Variants in DPYD observed in about 807,000 individuals in gnomAD.
DPYD encodes the protein dihydropyrimidine dehydrogenase [NADP(+)].
DPYD carries 109 observed loss-of-function variants against 116.2 expected under a neutral mutation model. The ratio of observed to expected loss-of-function variants is 0.94; its 90% CI spans 0.80 to 1.10. The LOEUF (loss-of-function observed/expected upper bound fraction) is 1.10. Among genes scored for constraint, DPYD ranks in the 50% least tolerant of loss-of-function variants. DPYD has a pLI of 0.00. For synonymous variants in DPYD, 440 were observed against 432.0 expected (o/e 1.02, Z -0.23); for missense variants, 1,302 against 1,254.5 (o/e 1.04, Z -0.57).
At chr1:97,310,044 G>A (rs186905418) in intron 16 of DPYD, among the ~76,000 whole-genome samples, 11 of 151,746 alleles carry the variant, frequency 7.2e-5, no homozygotes, top group African/African-American at 2.7e-4. Flanking sequence ...TTCCTGATAA[G>A]CTAAATTACA....
At chr1:97,682,244 T>C (rs986796961) in intron 7 of DPYD, among the ~76,000 whole-genome samples, 4 of 151,994 alleles carry the variant, frequency 2.6e-5, no homozygotes, top group Non-Finnish European at 5.9e-5. Flanking sequence ...AAGATGAGTA[T>C]CTTGATCTTG....
chr1:97,783,136 G>GA (rs1666848701), intron 3 of DPYD, among the ~76,000 whole-genome samples: 1 of 151,920 alleles, frequency 6.6e-6, no homozygotes, highest in South Asian at 2.1e-4. Context: ...ATGGATTTTT[G>GA]AAAAAACTAT....
intron 11 of DPYD, among the ~76,000 whole-genome samples, chr1:97,561,485 G>A (rs909645434): frequency 6.6e-6 from 1 of 152,064 alleles, no homozygotes; most frequent in Non-Finnish European, 1.5e-5. Flanking sequence ...TATAAATAAA[G>A]TACCCTGCAG....
intron 3 of DPYD, among the ~76,000 whole-genome samples, chr1:97,779,594 G>C (rs1666619605): frequency 6.6e-6 from 1 of 151,938 alleles, no homozygotes; most frequent in Admixed American, 6.6e-5. Flanking sequence ...CTTCTCTATG[G>C]ATCCAGTGAT....
intron 8 of DPYD, among the ~76,000 whole-genome samples, chr1:97,649,315 G>T (rs936002586): frequency 3.3e-5 from 5 of 152,068 alleles, no homozygotes; most frequent in East Asian, 1.9e-4. Flanking sequence ...TTAAAAACTG[G>T]ATTTATCTGA....
intron 20 of DPYD, among the ~76,000 whole-genome samples, chr1:97,184,308 C>A (rs1245391104): frequency 6.6e-6 from 1 of 151,986 alleles, no homozygotes; most frequent in Non-Finnish European, 1.5e-5. Flanking sequence ...GGTAGAATAG[C>A]AGTTCTTTTT....
rs1410774834 is a variant in DPYD at position 97,173,471 on chromosome 1, A to ATGTG, written c.2622+19597_2622+19598insCACA. Among the ~76,000 whole-genome samples the ATGTG allele has an allele frequency of 8.7e-4, 65 of 74,330 alleles. 1 individual carries two copies. Among genetic ancestry groups the ATGTG allele is most frequent in the Non-Finnish European group, 1.0e-4 (4 of 39,762 alleles). 48.8% of individuals were successfully genotyped at this position (74,330 alleles called of 152,430 possible). A position where few individuals can be genotyped will look rare whatever the true frequency, so the allele number is the denominator to read the frequency against. On this transcript the variant is annotated intron_variant, in intron 20 of 22. Coordinates refer to ENST00000370192, the MANE Select transcript of DPYD (RefSeq NM_000110.4). Reference sequence around the variant, plus strand: ...GTAAAATGAGTATATATATACACACATAATGTGTATATATATACACGCATA... The same window carrying ATGTG: ...GTAAAATGAGTATATATATACACACATGTGTAATGTGTATATATATACACGCATA...
At chr1:97,345,230 A>G (rs1249764577) in intron 16 of DPYD, among the ~76,000 whole-genome samples, 1 of 151,914 alleles carries the variant, frequency 6.6e-6, no homozygotes, top group Non-Finnish European at 1.5e-5. Flanking sequence ...TGAAGAGTGC[A>G]TTATCATTTT....
intron 3 of DPYD, among the ~76,000 whole-genome samples, chr1:97,818,278 C>T (rs1668737177): frequency 6.6e-6 from 1 of 151,964 alleles, no homozygotes; most frequent in South Asian, 2.1e-4. Flanking sequence ...ACCTACTAGG[C>T]ACCAGGTGGA....
chr1:97,700,204 C>T, intron 5 of DPYD: 2 of 455,610 alleles, frequency 4.4e-6, no homozygotes, highest in South Asian at 3.1e-5. Flanking sequence ...GGGAGGAAGG[C>T]TAAGCATCTT....
chr1:97,502,676 G>A (rs1679658243), intron 13 of DPYD, among the ~76,000 whole-genome samples: 1 of 151,966 alleles, frequency 6.6e-6, no homozygotes, highest in Non-Finnish European at 1.5e-5. Flanking sequence ...GAGAAATGAT[G>A]GGGGCTGTGA....
At chr1:97,096,480 C>T (rs1399415858) in intron 21 of DPYD, among the ~76,000 whole-genome samples, 1 of 151,998 alleles carries the variant, frequency 6.6e-6, no homozygotes, top group African/African-American at 2.4e-5. Context: ...GGGAGAATTC[C>T]TATTGAGAGG....
intron 13 of DPYD, among the ~76,000 whole-genome samples, chr1:97,508,978 C>T (rs1647570830): frequency 6.6e-6 from 1 of 151,754 alleles, no homozygotes; most frequent in Admixed American, 6.6e-5. Flanking sequence ...AAGATAAGAC[C>T]ATACGGAGAT....
chr1:97,140,988 G>A (rs1382633176), intron 20 of DPYD, among the ~76,000 whole-genome samples: 1 of 152,148 alleles, frequency 6.6e-6, no homozygotes, highest in Non-Finnish European at 1.5e-5. Context: ...ATGTAAGTGT[G>A]AGCTGAGTGG....
chr1:97,290,681 T>C lies in DPYD; in HGVS notation c.2299+14578A>G, dbSNP rs1238328436. Among the ~76,000 whole-genome samples, 9 of 151,946 alleles carry C rather than the reference T, an allele frequency of 5.9e-5. 1 individual carries two copies. Among genetic ancestry groups the C allele is most frequent in the Non-Finnish European group, 1.3e-4 (9 of 67,980 alleles). On this transcript the variant is annotated intron_variant, in intron 18 of 22. Coordinates refer to ENST00000370192, the MANE Select transcript of DPYD (RefSeq NM_000110.4). ...CCTTCCTTACACCTTATACAAAAATTAATTCAAGATAGATTAAAGACTTAA... is the reference window on the plus strand; with the variant it reads ...CCTTCCTTACACCTTATACAAAAATCAATTCAAGATAGATTAAAGACTTAA...
intron 3 of DPYD, among the ~76,000 whole-genome samples, chr1:97,794,175 C>T (rs145293585): frequency 9.4e-4 from 143 of 152,200 alleles, no homozygotes; most frequent in Middle Eastern, 3.4e-3. Context: ...TGGGCTCAAG[C>T]AATCCATCAA....
At chr1:97,783,711 C>CA (rs1666875487) in intron 3 of DPYD, among the ~76,000 whole-genome samples, 2 of 151,976 alleles carry the variant, frequency 1.3e-5, no homozygotes, top group African/African-American at 4.8e-5. Flanking sequence ...TATTTTTAAT[C>CA]AAAGTAAGGA....
intron 2 of DPYD, among the ~76,000 whole-genome samples, chr1:97,872,951 C>T (rs1671731481): frequency 6.6e-6 from 1 of 151,918 alleles, no homozygotes; most frequent in South Asian, 2.1e-4. Context: ...TTTCTACTCT[C>T]GTGAAATTCC....
intron 12 of DPYD, chr1:97,546,508 G>T (rs1650878313): frequency 1.2e-6 from 2 of 1,601,380 alleles, no homozygotes; most frequent in African/African-American, 2.7e-5. Flanking sequence ...CAAAGATGAT[G>T]AAGCAGAGTG....
Sources: gnomAD v4.1 joint callset for allele counts (sites outside exome capture counted in the v4.1 genomes callset) on GRCh38, gnomAD v4.1.1 for gene constraint, MANE v1.5 for transcripts, NCBI Gene and HGNC (gene_info 2026-07-23, HGNC 2026-07-21) for gene names.